Variants in RAB3D observed in about 807,000 individuals in gnomAD.
The protein encoded by RAB3D is RAB3D, member RAS oncogene family, also known as ras-related protein Rab-3D.
In RAB3D, 17 loss-of-function variants were observed where a neutral mutation model predicts 19.3. That is an observed-to-expected ratio of 0.88 (90% CI 0.60 to 1.32). RAB3D has a LOEUF of 1.32. RAB3D is among the 40% of genes most tolerant of loss of function. RAB3D has a pLI of 0.00. For synonymous variants in RAB3D, 103 were observed against 119.9 expected, an observed-to-expected ratio of 0.86 and a Z score of 0.92; for missense variants, 223 against 299.1, an observed-to-expected ratio of 0.75 and a Z score of 1.88.
chr19:11,326,632 C>T (rs896507428), intron 4 of RAB3D, among the ~76,000 whole-genome samples: 3 of 152,188 alleles, frequency 2.0e-5, no homozygotes, highest in Non-Finnish European at 4.4e-5. Context: ...GAGAAACGGT[C>T]TCTCTCTATT....
At chr19:11,330,584 C>G (rs1039401242) in intron 4 of RAB3D, among the ~76,000 whole-genome samples, 2 of 152,094 alleles carry the variant, frequency 1.3e-5, no homozygotes. Flanking sequence ...GAGTCTCGCT[C>G]TCTTGCCCAG....
Position 11,337,165 on chromosome 19 carries a change from A to G in RAB3D, c.228+7T>C, listed in dbSNP as rs1465905544. 1.2e-6 allele frequency: 2 copies of G among 1,611,854 alleles called. No homozygotes were observed. Among genetic ancestry groups the G allele is most frequent in the East Asian group, 2.2e-5 (1 of 44,812 alleles). On this transcript the variant is annotated splice_region_variant and intron_variant, in intron 2 of 4. Coordinates refer to ENST00000222120, the MANE Select transcript of RAB3D (RefSeq NM_004283.4). ...ACCCCCAACCCACAGCCAGCCTCCC[A>G]GCCTACCCAGATCTGCAGCTTGATC...
At chr19:11,326,268 CT>C (rs2080812387) in intron 4 of RAB3D, among the ~76,000 whole-genome samples, 2 of 151,626 alleles carry the variant, frequency 1.3e-5, no homozygotes, top group African/African-American at 4.8e-5. Flanking sequence ...GCAGTCTCAG[CT>C]ACTCGGAAGG....
chr19:11,338,218 G>A (rs1966916434), intron 1 of RAB3D, among the ~76,000 whole-genome samples: 1 of 152,218 alleles, frequency 6.6e-6, no homozygotes, highest in South Asian at 2.1e-4. Flanking sequence ...TATTGGGGTG[G>A]AGGGTGGGGA....
In RAB3D at chr19:11,337,334, C is replaced by T. The variant is rs758775857; in HGVS notation, c.66G>A (p.Met22Ile). 1 of 1,614,154 alleles carries T rather than the reference C, an allele frequency of 6.2e-7. No individual in the cohort carries two copies. The highest frequency in any genetic ancestry group is 2.2e-5 in the East Asian group (1 of 44,874). The change falls in exon 2 of 5, where the codon ATG becomes ATA. Residue 22 changes from methionine (M) to isoleucine (I), a missense_variant. By Grantham distance (10) the Met-to-Ile change is conservative. Transcript: ENST00000222120. ...RDAADQNFDY[M>I]FKLLLIGNSS... ...TGTTGCCTATCAGTAGCAGTTTGAA[C>T]ATATAGTCGAAGTTCTGATCTGCTG...
intron 4 of RAB3D, among the ~76,000 whole-genome samples, chr19:11,333,305 C>A (rs2080841516): frequency 6.6e-6 from 1 of 152,126 alleles, no homozygotes; most frequent in Non-Finnish European, 1.5e-5. Flanking sequence ...TGTTCTTGAT[C>A]TCCTGACCTC....
intron 1 of RAB3D, among the ~76,000 whole-genome samples, 194 bp downstream of exon 1, chr19:11,339,275 T>G (rs529402813): frequency 9.2e-5 from 14 of 152,126 alleles, no homozygotes; most frequent in Admixed American, 5.9e-4. Flanking sequence ...CCAATGCAGG[T>G]GGACTCAGGA....
intron 4 of RAB3D, among the ~76,000 whole-genome samples, chr19:11,329,659 G>A (rs2080829062): frequency 6.6e-6 from 1 of 151,884 alleles, no homozygotes; most frequent in African/African-American, 2.4e-5. Context: ...ATCAAATTCT[G>A]TGTCCTGCTT....
At position 11,338,182 on chromosome 19, in the gene RAB3D, C is replaced by T. The variant is rs115000476; in HGVS notation, c.-61-722G>A. Among the ~76,000 whole-genome samples, 440 of 152,326 alleles carry T rather than the reference C, an allele frequency of 2.9e-3. 1 individual carries two copies. The highest frequency in any genetic ancestry group is 0.01 in the African/African-American group (421 of 41,578). On this transcript the variant is annotated intron_variant, in intron 1 of 4. Transcript: ENST00000222120. ...AAAAATGTGACTGCTGTTTAATCTT[C>T]ACACCCTGTGGCGTAACTGAGTCTG...
intron 4 of RAB3D, chr19:11,326,875 G>T: frequency 1.6e-6 from 1 of 608,750 alleles, no homozygotes; most frequent in Non-Finnish European, 2.9e-6. Flanking sequence ...CTCCCAAAGT[G>T]CTGGGTTTAC....
At chr19:11,336,736 C>T (rs1460001996) in intron 2 of RAB3D, among the ~76,000 whole-genome samples, 1 of 151,834 alleles carries the variant, frequency 6.6e-6, no homozygotes, top group South Asian at 2.1e-4. Context: ...TTTGGGAGGC[C>T]GAGGTGGGCG....
In RAB3D at chr19:11,325,199, C is replaced by T. The variant is rs977255164; in HGVS notation, c.*199G>A. 2.6e-5 allele frequency: 14 copies of T among 543,374 alleles called. No homozygotes were observed. In the East Asian group the frequency reaches 3.4e-4, roughly 13 times the overall value. The allele number at this position is 543,374 out of a possible 1,614,324, so 33.7% of individuals were successfully genotyped here. A position where few individuals can be genotyped will look rare whatever the true frequency, so the allele number is the denominator to read the frequency against. The stretch of plus-strand genomic sequence containing the variant: ...CATGCAGAGCTGAGTCCCCATGGTC[C>T]GCAGCCTCCCACCGGGGCTGCCTGA... On this transcript the variant is annotated 3_prime_UTR_variant, in exon 5 of 5. Transcript: ENST00000222120.
chr19:11,325,596 G>A lies in RAB3D; in HGVS notation c.473-11C>T. Reference sequence around the variant, plus strand: ...CAAAGAACTCGAAACCTGGATGAATGTTAAGGTGGGGACACTCGTAAGACC... The same window carrying A: ...CAAAGAACTCGAAACCTGGATGAATATTAAGGTGGGGACACTCGTAAGACC... On this transcript the variant is annotated splice_polypyrimidine_tract_variant and intron_variant, in intron 4 of 4. Coordinates refer to ENST00000222120, the MANE Select transcript of RAB3D (RefSeq NM_004283.4). The A allele has an allele frequency of 6.3e-7, 1 of 1,577,250 alleles. No homozygotes were observed. Among genetic ancestry groups the A allele is most frequent in the African/African-American group, 1.5e-5 (1 of 65,380 alleles).
intron 2 of RAB3D, among the ~76,000 whole-genome samples, chr19:11,336,721 A>G (rs919606236): frequency 1.3e-5 from 2 of 151,806 alleles, no homozygotes; most frequent in Non-Finnish European, 2.9e-5. Context: ...CTGTAATCCC[A>G]GCGCTTTGGG....
At chr19:11,333,770 T>G (rs2080843043) in intron 4 of RAB3D, among the ~76,000 whole-genome samples, 1 of 151,818 alleles carries the variant, frequency 6.6e-6, no homozygotes, top group Admixed American at 6.6e-5. Flanking sequence ...ATCGGCTCAC[T>G]GCAGCCTCCA....
In RAB3D at chr19:11,335,592, A is replaced by G. The variant is rs1364848603; in HGVS notation, c.348-21T>C. ...TGGCCCTGCAGAGTTACCAGTGGTG[A>G]GCCATGAGCCGGGGGGGTTAGGGGT... On this transcript the variant is annotated intron_variant, in intron 3 of 4. Transcript: ENST00000222120. The G allele has an allele frequency of 2.5e-6, 4 of 1,613,932 alleles. No homozygotes were observed. The East Asian group carries it at 8.9e-5, about 36-fold the overall frequency.
At chr19:11,329,061 G>A (rs1451567901) in intron 4 of RAB3D, among the ~76,000 whole-genome samples, 1 of 151,580 alleles carries the variant, frequency 6.6e-6, no homozygotes, top group Non-Finnish European at 1.5e-5. Flanking sequence ...GGGACTATAG[G>A]GGTGTGCCAC....
Position 11,328,524 on chromosome 19 carries a change from G to C in RAB3D, c.473-2939C>G, listed in dbSNP as rs900967954. Among the ~76,000 whole-genome samples the C allele has an allele frequency of 2.0e-5, 3 of 152,052 alleles. No homozygotes were observed. The East Asian group carries it at 5.8e-4, about 29-fold the overall frequency. ...TAGCTTTGTGTGGTGGCACGTGCCT[G>C]CAGTCCCAGCTACTCAGGAGGCTGA... On this transcript the variant is annotated intron_variant, in intron 4 of 4. Transcript: ENST00000222120.
Position 11,325,212 on chromosome 19 carries a change from C to T in RAB3D, c.*186G>A, listed in dbSNP as rs987501174. On this transcript the variant is annotated 3_prime_UTR_variant, in exon 5 of 5. Transcript: ENST00000222120. The stretch of plus-strand genomic sequence containing the variant: ...GTCCCCATGGTCCGCAGCCTCCCAC[C>T]GGGGCTGCCTGAGGAACCTGGCAGC... The T allele has an allele frequency of 4.5e-5, 25 of 556,882 alleles. No homozygotes were observed. The highest frequency in any genetic ancestry group is 2.7e-4 in the East Asian group (9 of 33,456). 34.5% of individuals were successfully genotyped at this position (556,882 alleles called of 1,614,324 possible). A position where few individuals can be genotyped will look rare whatever the true frequency, so the allele number is the denominator to read the frequency against.
Sources: allele counts gnomAD v4.1 joint callset (sites outside exome capture counted in the v4.1 genomes callset), GRCh38; gene constraint gnomAD v4.1.1; transcripts MANE v1.5; gene names NCBI Gene and HGNC (gene_info 2026-07-23, HGNC 2026-07-21).